The following TRAP1 variants were observed in gnomAD, a reference collection of about 807,000 sequenced individuals.
TRAP1 encodes heat shock protein 75 kDa, mitochondrial.
TRAP1 carries 102 observed loss-of-function variants against 89.1 expected under a neutral mutation model. The ratio of observed to expected loss-of-function variants is 1.15; its 90% CI spans 0.98 to 1.35. TRAP1 has a LOEUF of 1.35. TRAP1 is among the 40% of genes most tolerant of loss of function. The probability of loss-of-function intolerance (pLI) is 0.00; values close to 1 mark genes in which losing one functional copy is unlikely to be tolerated. For synonymous variants in TRAP1, 508 were observed against 388.0 expected, an observed-to-expected ratio of 1.31 and a Z score of -3.64; for missense variants, 1,256 against 945.3, an observed-to-expected ratio of 1.33 and a Z score of -4.31.
At chr16:3,713,489 A>T (rs958796341) in intron 1 of TRAP1, among the ~76,000 whole-genome samples, 1 of 152,216 alleles carries the variant, frequency 6.6e-6, no homozygotes, top group African/African-American at 2.4e-5. Context: ...CAAGACAGGA[A>T]GTTCCAGCAA....
intron 15 of TRAP1, 57 bp downstream of exon 15, chr16:3,662,825 G>A: frequency 1.9e-6 from 3 of 1,567,542 alleles, no homozygotes; most frequent in Non-Finnish European, 1.8e-6. Flanking sequence ...CCACCAGCTG[G>A]CCAGCCTGTT....
chr16:3,663,682 G>A lies in TRAP1; in HGVS notation c.1570-120C>T, dbSNP rs113438869. 6.4e-4 allele frequency: 840 copies of A among 1,310,160 alleles called. 7 individuals are homozygous for A. The African/African-American group carries it at 0.011, about 17-fold the overall frequency. 81.2% of individuals were successfully genotyped at this position (1,310,160 alleles called of 1,614,324 possible). A position where few individuals can be genotyped will look rare whatever the true frequency, so the allele number is the denominator to read the frequency against. On this transcript the variant is annotated intron_variant, in intron 13 of 17. Coordinates refer to ENST00000246957, the MANE Select transcript of TRAP1 (RefSeq NM_016292.3). The stretch of plus-strand genomic sequence containing the variant: ...GCGGGCCACACTGGGGAACACCGGG[G>A]CAGTTGGGGTTCCTAGGCCTGCATG...
chr16:3,693,394 A>C (rs934030451), intron 1 of TRAP1, among the ~76,000 whole-genome samples: 10 of 126,506 alleles, frequency 7.9e-5, no homozygotes, highest in Non-Finnish European at 1.8e-4. Flanking sequence ...AGTTAAAAAA[A>C]AAAAAAAAAT....
At chr16:3,670,952 G>T (rs533847775) in intron 11 of TRAP1, among the ~76,000 whole-genome samples, 1 of 152,228 alleles carries the variant, frequency 6.6e-6, no homozygotes, top group African/African-American at 2.4e-5. Flanking sequence ...CATGCCCACA[G>T]CGCAGCCCCA....
At chr16:3,713,779 C>A (rs146717407) in intron 1 of TRAP1, among the ~76,000 whole-genome samples, 1 of 152,204 alleles carries the variant, frequency 6.6e-6, no homozygotes, top group African/African-American at 2.4e-5. Context: ...CTTTAGGAGG[C>A]GGCCTCATCC....
At position 3,690,974 on chromosome 16, in the gene TRAP1, G is replaced by C; in HGVS notation, c.100C>G (p.Leu34Val). The part of the protein sequence containing the change: ...LAAVPGGKPI[L>V]CPRRTTAQLG... Reference sequence around the variant, plus strand: ...TGGGCTGTGGTCCTCCGAGGACACAGAATTGGTTTTCCTGAAAAGACAAAT... The same window carrying C: ...TGGGCTGTGGTCCTCCGAGGACACACAATTGGTTTTCCTGAAAAGACAAAT... Residue 34 changes from leucine to valine, a missense_variant, in exon 2 of 18, where the codon CTG (leucine) becomes GTG (valine). Coordinates refer to ENST00000246957, the MANE Select transcript of TRAP1 (RefSeq NM_016292.3). The C allele has an allele frequency of 1.3e-6, 2 of 1,516,742 alleles. No individual in the cohort carries two copies. The highest frequency in any genetic ancestry group is 2.6e-5 in the South Asian group (2 of 78,422). The allele number at this position is 1,516,742 out of a possible 1,614,324, so 94.0% of individuals were successfully genotyped here. A position where few individuals can be genotyped will look rare whatever the true frequency, so the allele number is the denominator to read the frequency against.
chr16:3,707,953 A>C (rs1219239555), intron 1 of TRAP1, among the ~76,000 whole-genome samples: 2 of 152,008 alleles, frequency 1.3e-5, no homozygotes, highest in African/African-American at 4.8e-5. Context: ...GGCAGGCAGA[A>C]GTAGGAGGAT....
In TRAP1 at chr16:3,662,080, C is replaced by A. The variant is rs375212471; in HGVS notation, c.1847G>T (p.Gly616Val). The A allele has an allele frequency of 2.2e-5, 35 of 1,613,170 alleles. No individual in the cohort carries two copies. Among genetic ancestry groups the A allele is most frequent in the Non-Finnish European group, 2.9e-5 (34 of 1,179,936 alleles). The change falls in exon 16 of 18, where the codon GGG (glycine) becomes GTG (valine). Residue 616 changes from glycine to valine, a missense_variant. By Grantham distance (109) the Gly-to-Val change is moderately radical (BLOSUM62 -3). Transcript: ENST00000246957. ...HPAMVTVLEM[G>V]AARHFLRMQQ... ...CATGCGCAGGAAGTGGCGGGCAGCCCCCATCTCCAGCACGGTGACCATGGC... is the reference window on the plus strand; with the variant it reads ...CATGCGCAGGAAGTGGCGGGCAGCCACCATCTCCAGCACGGTGACCATGGC...
Position 3,675,394 on chromosome 16 carries a change from A to G in TRAP1, c.818T>C (p.Val273Ala). Residue 273 changes from valine to alanine, a missense_variant, in exon 8 of 18, where the codon GTG (valine) becomes GCG (alanine). Transcript: ENST00000246957. Reference protein sequence around the residue: ...EFSSEARVRDVVTKYSNFVSF... With the variant: ...EFSSEARVRDAVTKYSNFVSF... ...GACGAAGTTGCTGTACTTCGTTACC[A>G]CATCTGGAAGGGACAAAAGAAAAAC... 1 of 1,614,042 alleles carries G rather than the reference A, an allele frequency of 6.2e-7. No homozygotes were observed. The highest frequency in any genetic ancestry group is 8.5e-7 in the Non-Finnish European group (1 of 1,179,926).
chr16:3,661,867 A>G, intron 16 of TRAP1, 120 bp downstream of exon 16: 5 of 1,300,134 alleles, frequency 3.8e-6, no homozygotes, highest in Non-Finnish European at 5.1e-6. Flanking sequence ...CCTTATAGTT[A>G]CCCACATGTC....
chr16:3,707,829 G>C (rs753721992), intron 1 of TRAP1, among the ~76,000 whole-genome samples: 1 of 148,300 alleles, frequency 6.7e-6, no homozygotes, highest in Non-Finnish European at 1.5e-5. Context: ...ACTCCAGCCT[G>C]GGCAACAGAC....
rs776610264 is a variant in TRAP1 at position 3,674,431 on chromosome 16, C to T, written c.952G>A (p.Val318Ile). Residue 318 changes from valine to isoleucine, a missense_variant, in exon 9 of 18, where the codon GTC becomes ATC. By Grantham distance (29) the Val-to-Ile change is conservative. Coordinates refer to ENST00000246957, the MANE Select transcript of TRAP1 (RefSeq NM_016292.3). ...CGGGGCTTGTCGTGAGCCTGCGCGA[C>T]GTAGCGGTAGAACTCCTCATGTTGC... ...EWQHEEFYRY[V>I]AQAHDKPRYT... The T allele has an allele frequency of 8.1e-6, 13 of 1,614,104 alleles. No individual in the cohort carries two copies. The highest frequency in any genetic ancestry group is 5.0e-5 in the Admixed American group (3 of 60,024).
At chr16:3,681,451 C>T (rs574207038) in intron 4 of TRAP1, among the ~76,000 whole-genome samples, 1 of 152,186 alleles carries the variant, frequency 6.6e-6, no homozygotes, top group African/African-American at 2.4e-5. Flanking sequence ...AACCACATCA[C>T]CACCAGTTAC....
intron 5 of TRAP1, among the ~76,000 whole-genome samples, chr16:3,679,437 G>A (rs1025849670): frequency 6.6e-6 from 1 of 152,120 alleles, no homozygotes; most frequent in Non-Finnish European, 1.5e-5. Context: ...AAGCATACAA[G>A]AAGATGTGTC....
At chr16:3,708,839 G>C (rs2051486708) in intron 1 of TRAP1, among the ~76,000 whole-genome samples, 1 of 142,356 alleles carries the variant, frequency 7.0e-6, no homozygotes, top group Admixed American at 7.1e-5. Flanking sequence ...TTTTTGAGAT[G>C]GAGTTTTGCT....
intron 3 of TRAP1, among the ~76,000 whole-genome samples, chr16:3,686,345 TGA>T (rs1188159918): frequency 6.6e-6 from 1 of 152,208 alleles, no homozygotes; most frequent in African/African-American, 2.4e-5. Context: ...AGGATTTCTT[TGA>T]GAGTCTCACT....
intron 12 of TRAP1, 56 bp downstream of exon 12, chr16:3,665,915 C>G: frequency 3.2e-6 from 5 of 1,574,326 alleles, no homozygotes; most frequent in Non-Finnish European, 4.3e-6. Context: ...CCAGCTTCCT[C>G]AGCAGCCCCA....
chr16:3,666,663 C>T (rs991715615), intron 11 of TRAP1, among the ~76,000 whole-genome samples: 3 of 151,904 alleles, frequency 2.0e-5, no homozygotes, highest in Non-Finnish European at 1.5e-5. Flanking sequence ...AATTACAGTA[C>T]GTCTATAGAT....
chr16:3,694,340 G>A (rs1011867252), intron 1 of TRAP1, among the ~76,000 whole-genome samples: 5 of 146,680 alleles, frequency 3.4e-5, no homozygotes, highest in Non-Finnish European at 4.5e-5. Context: ...GGACGCGAAC[G>A]TATCTTTCTC....
Sources: allele counts gnomAD v4.1 joint callset (sites outside exome capture counted in the v4.1 genomes callset), GRCh38; gene constraint gnomAD v4.1.1; transcripts MANE v1.5; gene names NCBI Gene and HGNC (gene_info 2026-07-23, HGNC 2026-07-21).